HSF5: variants seen among roughly 807,000 people sequenced by gnomAD.
HSF5 encodes the protein heat shock factor protein 5.
A neutral mutation model predicts 50.8 loss-of-function variants in HSF5; 5 were observed. The ratio of observed to expected loss-of-function variants is 0.10; its 90% CI spans 0.05 to 0.21. The LOEUF is 0.21. Ranked by LOEUF, HSF5 falls within the 10% of genes least tolerant of loss-of-function variation. HSF5 has a pLI of 1.00. For synonymous variants in HSF5, 307 were observed against 307.4 expected (o/e 1.00, Z 0.02); for missense variants, 564 against 762.6 (o/e 0.74, Z 3.07).
chr17:58,451,370 A>G (rs1021190512), intron 5 of HSF5, among the ~76,000 whole-genome samples: 2 of 152,200 alleles, frequency 1.3e-5, no homozygotes, highest in African/African-American at 2.4e-5. Flanking sequence ...ATTGCACCCA[A>G]CTGCTACAGA....
chr17:58,424,073 A>G (rs1301556019), intron 5 of HSF5, among the ~76,000 whole-genome samples: 1 of 152,188 alleles, frequency 6.6e-6, no homozygotes, highest in Non-Finnish European at 1.5e-5. Flanking sequence ...GTGCTTACTC[A>G]TCTGGTGAAC....
At chr17:58,455,385 CAT>C (rs1233213918) in intron 5 of HSF5, among the ~76,000 whole-genome samples, 1 of 151,968 alleles carries the variant, frequency 6.6e-6, no homozygotes, top group East Asian at 1.9e-4. Flanking sequence ...TAGAAGAAAA[CAT>C]AGGGAAAATG....
At chr17:58,486,313 C>T (rs961160146) in intron 1 of HSF5, among the ~76,000 whole-genome samples, 3 of 151,094 alleles carry the variant, frequency 2.0e-5, no homozygotes, top group African/African-American at 4.9e-5. Flanking sequence ...TGTGGTGAGC[C>T]GAGATCGCGC....
chr17:58,423,034 AG>A (rs1974247291), intron 5 of HSF5, among the ~76,000 whole-genome samples: 1 of 152,134 alleles, frequency 6.6e-6, no homozygotes, highest in East Asian at 1.9e-4. Flanking sequence ...AGTAAGGAAA[AG>A]TGTCAAAGGG....
chr17:58,433,050 G>A (rs1974384532), intron 5 of HSF5, among the ~76,000 whole-genome samples: 2 of 152,162 alleles, frequency 1.3e-5, no homozygotes, highest in African/African-American at 4.8e-5. Flanking sequence ...GTCTTGCTCT[G>A]TTGCCCAGGC....
In HSF5 at chr17:58,446,941, A is replaced by T. The variant is rs145560893; in HGVS notation, c.1720+11827T>A. On this transcript the variant is annotated intron_variant, in intron 5 of 5. Coordinates refer to ENST00000323777, the MANE Select transcript of HSF5 (RefSeq NM_001080439.3). Reference sequence around the variant, plus strand: ...GGAGTTGGAGACTAGCCTGACCAAGATGGTGAAACTCTGTCTCTACTAAAA... The same window carrying T: ...GGAGTTGGAGACTAGCCTGACCAAGTTGGTGAAACTCTGTCTCTACTAAAA... Among the ~76,000 whole-genome samples the T allele has an allele frequency of 8.2e-3, 1,246 of 152,276 alleles. 12 individuals are homozygous for T. The highest frequency in any genetic ancestry group is 0.028 in the African/African-American group (1,178 of 41,560).
At chr17:58,456,316 A>G (rs777799060) in intron 5 of HSF5, among the ~76,000 whole-genome samples, 3 of 152,296 alleles carry the variant, frequency 2.0e-5, no homozygotes, top group African/African-American at 2.4e-5. Context: ...CCAGGCACAG[A>G]AAGACAAATA....
At chr17:58,450,262 C>T (rs1204631128) in intron 5 of HSF5, among the ~76,000 whole-genome samples, 1 of 145,188 alleles carries the variant, frequency 6.9e-6, no homozygotes, top group African/African-American at 2.6e-5. Context: ...TCATTTGAAC[C>T]CAGGAGGCAG....
chr17:58,483,574 C>T (rs1567920018), intron 1 of HSF5, among the ~76,000 whole-genome samples: 4 of 152,098 alleles, frequency 2.6e-5, no homozygotes, highest in South Asian at 4.2e-4. Flanking sequence ...TATGGAAGTG[C>T]GTCTGAATTA....
chr17:58,473,128 T>G (rs1054436035), intron 2 of HSF5, among the ~76,000 whole-genome samples: 5 of 152,182 alleles, frequency 3.3e-5, no homozygotes, highest in African/African-American at 1.2e-4. Flanking sequence ...AGCCCACAGC[T>G]TCCTAGCTGT....
At chr17:58,443,542 C>T (rs1340610845) in intron 5 of HSF5, among the ~76,000 whole-genome samples, 1 of 152,172 alleles carries the variant, frequency 6.6e-6, no homozygotes, top group Non-Finnish European at 1.5e-5. Flanking sequence ...CAACCCCATC[C>T]CTCAGTCTCA....
At chr17:58,439,042 G>A (rs934510935) in intron 5 of HSF5, among the ~76,000 whole-genome samples, 1 of 151,888 alleles carries the variant, frequency 6.6e-6, no homozygotes, top group Non-Finnish European at 1.5e-5. Flanking sequence ...GTTGGTTGAG[G>A]TGGGAGGATC....
Position 58,480,033 on chromosome 17 carries a change from G to T in HSF5, c.785C>A (p.Pro262Gln). The change falls in exon 2 of 6, where the codon CCA (proline) becomes CAA (glutamine). Residue 262 changes from proline to glutamine, a missense_variant. Physicochemically the swap from Pro to Gln is moderately conservative, Grantham distance 76. Around this residue, in one of 5 missense-constraint regions of HSF5, gnomAD observed 441 missense variants for 533.6 expected, o/e 0.83. Coordinates refer to ENST00000323777, the MANE Select transcript of HSF5 (RefSeq NM_001080439.3). ...CTGCAGTGTATAGGTAACCTCAGTTGGAAACCTCTGGAGTACAGGAAACGG... is the reference window on the plus strand; with the variant it reads ...CTGCAGTGTATAGGTAACCTCAGTTTGAAACCTCTGGAGTACAGGAAACGG... ...GVPFPVLQRF[P>Q]TEVTYTLQPS... is the part of the protein sequence containing the mutation. The T allele has an allele frequency of 6.2e-7, 1 of 1,614,134 alleles. No homozygotes were observed.
intron 2 of HSF5, among the ~76,000 whole-genome samples, chr17:58,473,065 C>T (rs1416927695): frequency 2.6e-5 from 4 of 152,136 alleles, no homozygotes; most frequent in Non-Finnish European, 5.9e-5. Flanking sequence ...GGCAGGCGAG[C>T]ACAGTGGCCA....
At chr17:58,449,867 C>T (rs1413305880) in intron 5 of HSF5, among the ~76,000 whole-genome samples, 5 of 148,360 alleles carry the variant, frequency 3.4e-5, no homozygotes, top group Non-Finnish European at 6.0e-5. Context: ...ACTAAAAATA[C>T]AAAAAATTAG....
At chr17:58,460,039 A>G (rs1421194176) in intron 4 of HSF5, among the ~76,000 whole-genome samples, 1 of 152,116 alleles carries the variant, frequency 6.6e-6, no homozygotes, top group Non-Finnish European at 1.5e-5. Context: ...TTTCTTTCAG[A>G]CAGGGTCTCA....
chr17:58,443,737 C>G (rs115001941), intron 5 of HSF5, among the ~76,000 whole-genome samples: 2,352 of 152,258 alleles, frequency 0.015, 78 homozygotes, highest in African/African-American at 0.054. Flanking sequence ...AACAAATATA[C>G]CCAAACTTAT....
rs879245525 is a variant in HSF5 at position 58,458,772 on chromosome 17, G to A, written c.1716C>T (p.Ser572=). The change falls in exon 5 of 6, where the codon TCC becomes TCT. Residue 572 remains serine, a synonymous_variant. Coordinates refer to ENST00000323777, the MANE Select transcript of HSF5 (RefSeq NM_001080439.3). ...CTAGAGCACAATAATCCTTACCAGG[G>A]GACTTTCCTTGTTGTGAGTTGCTTC... ...EHRSNSQQGK[S]PDLHLLVDVA... 2 of 1,610,002 alleles carry A rather than the reference G, an allele frequency of 1.2e-6. No homozygotes were observed. Among genetic ancestry groups the A allele is most frequent in the Non-Finnish European group, 1.7e-6 (2 of 1,178,562 alleles).
At chr17:58,472,916 C>T (rs1000919218) in intron 2 of HSF5, among the ~76,000 whole-genome samples, 2 of 152,102 alleles carry the variant, frequency 1.3e-5, no homozygotes, top group Admixed American at 1.3e-4. Context: ...AAGGTAGATT[C>T]CCCTACCAAT....
Sources: gnomAD v4.1 joint callset for allele counts (sites outside exome capture counted in the v4.1 genomes callset) on GRCh38, gnomAD v4.1.1 for gene constraint, gnomAD v4.1.1 regional missense constraint, MANE v1.5 for transcripts, NCBI Gene and HGNC (gene_info 2026-07-23, HGNC 2026-07-21) for gene names.